The following POU6F2 variants were observed in gnomAD, a reference collection of about 807,000 sequenced individuals.
POU6F2 encodes the protein POU class 6 homeobox 2, also known as POU domain, class 6, transcription factor 2.
A neutral mutation model predicts 71.3 loss-of-function variants in POU6F2; 31 were observed. That is an observed-to-expected ratio of 0.43 (90% CI 0.33 to 0.59). POU6F2 has a LOEUF of 0.59. Among genes scored for constraint, POU6F2 ranks in the 20% least tolerant of loss-of-function variants. The pLI, the probability that POU6F2 is intolerant of heterozygous loss-of-function variation, is 0.04. For missense variants in POU6F2, 783 were observed against 856.8 expected (o/e 0.91, Z 1.07); for synonymous variants, 347 against 355.7 (o/e 0.98, Z 0.27).
intron 4 of POU6F2, among the ~76,000 whole-genome samples, chr7:39,262,459 G>A (rs1263913273): frequency 6.6e-6 from 1 of 152,110 alleles, no homozygotes; most frequent in Non-Finnish European, 1.5e-5. Flanking sequence ...TTCAATGATG[G>A]CATCCACATT....
intron 4 of POU6F2, among the ~76,000 whole-genome samples, chr7:39,247,357 A>G (rs1783839869): frequency 6.6e-6 from 1 of 152,080 alleles, no homozygotes; most frequent in Non-Finnish European, 1.5e-5. Context: ...AGGCTGAGAC[A>G]TGAGAATCGC....
intron 2 of POU6F2, among the ~76,000 whole-genome samples, chr7:39,111,660 T>C (rs896086520): frequency 1.3e-5 from 2 of 152,262 alleles, no homozygotes; most frequent in East Asian, 3.9e-4. Flanking sequence ...CAAAATGACA[T>C]TGCATGGTCT....
chr7:39,061,713 A>AT (rs1236106118), intron 1 of POU6F2, among the ~76,000 whole-genome samples: 1 of 152,076 alleles, frequency 6.6e-6, no homozygotes, highest in Non-Finnish European at 1.5e-5. Context: ...CAAAATTCTA[A>AT]TTTTTTTCTT....
rs1525795 is a variant in POU6F2, at chr7:39,136,123, C to A, written c.277+50092C>A. Among the ~76,000 whole-genome samples the A allele has an allele frequency of 4.5e-3, 685 of 152,244 alleles. 5 individuals carry two copies. The highest frequency in any genetic ancestry group is 0.016 in the African/African-American group (650 of 41,530). Reference sequence around the variant, plus strand: ...ACTAAATGGAAATGTATATTGCATTCTTGCATGGGAGTACTGTAAAATAAT... The same window carrying A: ...ACTAAATGGAAATGTATATTGCATTATTGCATGGGAGTACTGTAAAATAAT... On this transcript the variant is annotated intron_variant, in intron 2 of 9. Transcript: ENST00000518318.
intron 1 of POU6F2, among the ~76,000 whole-genome samples, chr7:39,012,871 A>T (rs1409952206): frequency 2.0e-4 from 30 of 152,158 alleles, no homozygotes; most frequent in Admixed American, 1.3e-3. Context: ...TTGAGGAGGC[A>T]GTCTGCCGGT....
intron 6 of POU6F2, among the ~76,000 whole-genome samples, chr7:39,413,758 T>C (rs1243216216): frequency 6.6e-6 from 1 of 152,202 alleles, no homozygotes; most frequent in East Asian, 1.9e-4. Context: ...AGTAACATTA[T>C]AGGAATTTTA....
Position 39,460,500 on chromosome 7 carries a change from G to A in POU6F2, c.1490-47G>A, listed in dbSNP as rs768596347. 38 of 1,591,316 alleles carry A rather than the reference G, an allele frequency of 2.4e-5. No homozygotes were observed. Among genetic ancestry groups the A allele is most frequent in the Non-Finnish European group, 2.9e-5 (34 of 1,166,076 alleles). On this transcript the variant is annotated intron_variant, in intron 8 of 9. Coordinates refer to ENST00000518318, the MANE Select transcript of POU6F2 (RefSeq NM_001370959.1). This position sits in a 1 kb window ranked among gnomAD's most constrained non-coding sequence, Gnocchi z 4.4. ...AAACCGTAATAAACAGATATTGCTCGGCTGTGTGTTGACGTATTGATCCTA... is the reference window on the plus strand; with the variant it reads ...AAACCGTAATAAACAGATATTGCTCAGCTGTGTGTTGACGTATTGATCCTA...
intron 4 of POU6F2, among the ~76,000 whole-genome samples, chr7:39,311,397 A>G (rs536788954): frequency 6.6e-6 from 1 of 152,170 alleles, no homozygotes; most frequent in African/African-American, 2.4e-5. Flanking sequence ...CATCACACTG[A>G]TCACCTTTTT....
At chr7:39,279,740 TTTTA>T (rs139796675) in intron 4 of POU6F2, among the ~76,000 whole-genome samples, 6 of 151,582 alleles carry the variant, frequency 4.0e-5, no homozygotes, top group Non-Finnish European at 5.9e-5. Context: ...TTCCCTTTTA[TTTTA>T]TTTATTTATT....
intron 7 of POU6F2, 108 bp downstream of exon 7, chr7:39,433,391 G>T (rs1184805929): frequency 3.2e-6 from 4 of 1,237,332 alleles, no homozygotes; most frequent in African/African-American, 1.5e-5. Flanking sequence ...CAAAATAGTT[G>T]ATCTCACTCA....
intron 4 of POU6F2, among the ~76,000 whole-genome samples, chr7:39,313,686 A>G (rs77319894): frequency 0.043 from 6,605 of 152,276 alleles, 257 homozygotes; most frequent in South Asian, 0.18. Context: ...ACCAAATCTT[A>G]TCAGGACAAT....
chr7:39,378,108 CA>C lies in POU6F2; in HGVS notation c.973-28491del, dbSNP rs983560986. On this transcript the variant is annotated intron_variant, in intron 5 of 9. Coordinates refer to ENST00000518318, the MANE Select transcript of POU6F2 (RefSeq NM_001370959.1). Reference sequence around the variant, plus strand: ...CATCTCTTGACCCAGGTTTTGATGGCATCTGAAGAGTGACTTACTGACCACT... The same window carrying C: ...CATCTCTTGACCCAGGTTTTGATGGCTCTGAAGAGTGACTTACTGACCACT... Among the ~76,000 whole-genome samples, 32 of 152,170 alleles carry C rather than the reference CA, an allele frequency of 2.1e-4. 1 individual carries two copies. The highest frequency in any genetic ancestry group is 1.8e-4 in the Non-Finnish European group (12 of 68,038).
intron 2 of POU6F2, among the ~76,000 whole-genome samples, chr7:39,139,172 T>C (rs1792445687): frequency 6.6e-6 from 1 of 152,204 alleles, no homozygotes; most frequent in Non-Finnish European, 1.5e-5. Flanking sequence ...ATCTTACTGA[T>C]CCCTAGCAGT....
Position 39,068,297 on chromosome 7 carries a change from A to T in POU6F2, c.106-17563A>T, listed in dbSNP as rs561861060. 5.9e-5 allele frequency among the ~76,000 whole-genome samples: 9 copies of T among 152,252 alleles called. No homozygotes were observed. The South Asian group carries it at 1.9e-3, about 32-fold the overall frequency. On this transcript the variant is annotated intron_variant, in intron 1 of 9. Transcript: ENST00000518318. ...GTACATCAGTGCCCTGTCTCGCAAC[A>T]TCCCCTAACGTGCACAGGCCTCATT...
intron 4 of POU6F2, chr7:39,329,243 T>G (rs1785584894): frequency 6.7e-6 from 1 of 148,288 alleles, no homozygotes; most frequent in Non-Finnish European, 1.5e-5. Flanking sequence ...TATATATAAT[T>G]GTATAATATA....
chr7:39,340,006 T>C lies in POU6F2; in HGVS notation c.963T>C (p.Asn321=), dbSNP rs760776140. ...TGCCTTCACCGCTCACGCCACCCAA[T>C]CCTCTACAGGTATGCTCCCCGTGCT... ...HGLPSPLTPP[N]PLQLVNNPLA... Residue 321 remains asparagine (N), a synonymous_variant, in exon 5 of 10, where the codon AAT becomes AAC. Coordinates refer to ENST00000518318, the MANE Select transcript of POU6F2 (RefSeq NM_001370959.1). 6.2e-7 allele frequency: 1 copy of C among 1,608,922 alleles called. No homozygotes were observed. Among genetic ancestry groups the C allele is most frequent in the Non-Finnish European group, 8.5e-7 (1 of 1,176,304 alleles).
Position 39,005,592 on chromosome 7 carries a change from C to G in POU6F2, c.105+27534C>G, listed in dbSNP as rs546817116. On this transcript the variant is annotated intron_variant, in intron 1 of 9. Coordinates refer to ENST00000518318, the MANE Select transcript of POU6F2 (RefSeq NM_001370959.1). ...TATGTAGGTTGGGTTGATAGCCGCA[C>G]GCTATCTTGACCTGCCGTCAAAGAG... Among the ~76,000 whole-genome samples the G allele has an allele frequency of 2.7e-3, 401 of 149,370 alleles. 3 individuals are homozygous for G. Among genetic ancestry groups the G allele is most frequent in the African/African-American group, 9.7e-3 (392 of 40,546 alleles).
chr7:39,395,365 G>T (rs1366170486), intron 5 of POU6F2, among the ~76,000 whole-genome samples: 4 of 152,132 alleles, frequency 2.6e-5, no homozygotes, highest in Non-Finnish European at 5.9e-5. Context: ...TGGGTGAGAA[G>T]CCTGTTCCTC....
At chr7:39,436,235 T>C (rs1305202405) in intron 7 of POU6F2, among the ~76,000 whole-genome samples, 1 of 152,208 alleles carries the variant, frequency 6.6e-6, no homozygotes, top group African/African-American at 2.4e-5. Flanking sequence ...TTTCACAATA[T>C]TGATTCTTCC....
Sources: gnomAD v4.1 joint callset for allele counts (sites outside exome capture counted in the v4.1 genomes callset) on GRCh38, gnomAD v4.1.1 for gene constraint, Gnocchi (gnomAD v3.1) non-coding constraint, MANE v1.5 for transcripts, NCBI Gene and HGNC (gene_info 2026-07-23, HGNC 2026-07-21) for gene names.